Variants in STK38 observed in about 807,000 individuals in gnomAD.
The protein encoded by STK38 is serine/threonine kinase 38, also known as serine/threonine-protein kinase 38.
STK38 carries 26 observed loss-of-function variants against 59.0 expected under a neutral mutation model. The observed-to-expected ratio is 0.44, with a 90% CI of 0.32 to 0.61. The LOEUF (loss-of-function observed/expected upper bound fraction) is 0.61. STK38 is among the 20% of genes least tolerant of loss of function. STK38 has a pLI of 0.04. For synonymous variants in STK38, 175 were observed against 176.6 expected (o/e 0.99, Z 0.07); for missense variants, 433 against 566.0 (o/e 0.76, Z 2.38).
chr6:36,518,182 T>C (rs1396612878), intron 5 of STK38, among the ~76,000 whole-genome samples: 1 of 152,232 alleles, frequency 6.6e-6, no homozygotes, highest in African/African-American at 2.4e-5. Context: ...TAATCTTTTA[T>C]GATAAAAATA....
intron 7 of STK38, among the ~76,000 whole-genome samples, chr6:36,509,216 T>C (rs1253163434): frequency 1.3e-5 from 2 of 152,154 alleles, no homozygotes; most frequent in Non-Finnish European, 2.9e-5. Context: ...GAAGAGGAGC[T>C]TTACTGAGCG....
intron 2 of STK38, among the ~76,000 whole-genome samples, chr6:36,532,529 A>G (rs944683837): frequency 3.9e-5 from 6 of 152,000 alleles, no homozygotes; most frequent in Non-Finnish European, 8.8e-5. Context: ...TAATCCCAGC[A>G]CTTTGGGAGG....
chr6:36,530,196 G>A (rs1228346655), intron 2 of STK38, among the ~76,000 whole-genome samples: 1 of 151,606 alleles, frequency 6.6e-6, no homozygotes, highest in East Asian at 2.0e-4. Context: ...AGCTGAGATC[G>A]TGCCACTGCA....
At chr6:36,514,625 T>TG (rs1777203202) in intron 7 of STK38, among the ~76,000 whole-genome samples, 1 of 152,120 alleles carries the variant, frequency 6.6e-6, no homozygotes, top group African/African-American at 2.4e-5. Context: ...TAATTTGCTG[T>TG]AAGTTTAGGA....
At chr6:36,506,461 T>C (rs999645409) in intron 9 of STK38, 122 bp downstream of exon 9, 8 of 977,814 alleles carry the variant, frequency 8.2e-6, no homozygotes, top group African/African-American at 6.6e-5. Context: ...GCACTCTCTT[T>C]AGGTAATCTT....
chr6:36,498,736 C>G (rs1378720824), intron 10 of STK38, among the ~76,000 whole-genome samples: 1 of 151,818 alleles, frequency 6.6e-6, no homozygotes, highest in South Asian at 2.1e-4. Context: ...TACAGAAGAG[C>G]ACCACCACAC....
intron 1 of STK38, among the ~76,000 whole-genome samples, chr6:36,545,260 T>A (rs901852944): frequency 1.1e-4 from 14 of 128,524 alleles, no homozygotes; most frequent in African/African-American, 4.3e-4. Flanking sequence ...ACCACTGCAC[T>A]CTAGCCTGGG....
intron 9 of STK38, among the ~76,000 whole-genome samples, chr6:36,503,244 G>A (rs1210227345): frequency 6.6e-6 from 1 of 151,908 alleles, no homozygotes; most frequent in Non-Finnish European, 1.5e-5. Context: ...TTTCCTTAAA[G>A]TAATAAAATA....
chr6:36,516,637 C>T (rs981156887), intron 6 of STK38, among the ~76,000 whole-genome samples: 11 of 152,180 alleles, frequency 7.2e-5, no homozygotes, highest in Admixed American at 3.3e-4. Flanking sequence ...TCTGGAGACC[C>T]ACCAGACACA....
At chr6:36,536,369 G>C (rs1396439193) in intron 2 of STK38, among the ~76,000 whole-genome samples, 1 of 152,060 alleles carries the variant, frequency 6.6e-6, no homozygotes, top group East Asian at 1.9e-4. Flanking sequence ...CTTATGACTT[G>C]GGGATAAATA....
At chr6:36,528,795 G>A (rs1227456051) in intron 2 of STK38, among the ~76,000 whole-genome samples, 4 of 152,170 alleles carry the variant, frequency 2.6e-5, no homozygotes, top group Admixed American at 1.3e-4. Context: ...CTGACTACAC[G>A]TTTTTGAATG....
intron 4 of STK38, among the ~76,000 whole-genome samples, chr6:36,523,258 GTTTT>G (rs1264389755): frequency 6.8e-6 from 1 of 147,342 alleles, no homozygotes; most frequent in Admixed American, 6.8e-5. Context: ...GGGGTACCAG[GTTTT>G]TTGTTTTTTT....
intron 2 of STK38, among the ~76,000 whole-genome samples, chr6:36,526,215 T>G (rs1777508490): frequency 7.9e-6 from 1 of 126,746 alleles, no homozygotes; most frequent in Non-Finnish European, 1.6e-5. Flanking sequence ...CTCTTGGTTT[T>G]GGGTGTTTTT....
intron 2 of STK38, among the ~76,000 whole-genome samples, chr6:36,534,664 T>C (rs1027742588): frequency 1.3e-5 from 2 of 151,580 alleles, no homozygotes; most frequent in African/African-American, 4.8e-5. Flanking sequence ...AAAAAAACAA[T>C]AAAAAAATTT....
At chr6:36,509,734 T>G (rs1777059403) in intron 7 of STK38, among the ~76,000 whole-genome samples, 1 of 152,042 alleles carries the variant, frequency 6.6e-6, no homozygotes, top group Admixed American at 6.5e-5. Flanking sequence ...GCTACAACTC[T>G]TTCTGTAGGC....
At chr6:36,511,557 C>G (rs1405042853) in intron 7 of STK38, among the ~76,000 whole-genome samples, 1 of 151,610 alleles carries the variant, frequency 6.6e-6, no homozygotes, top group Non-Finnish European at 1.5e-5. Flanking sequence ...AGGGTTTTAC[C>G]ACCTTGGCCA....
Position 36,507,558 on chromosome 6 carries a change from T to A in STK38, c.714A>T (p.Lys238Asn). The change falls in exon 8 of 14, where the codon AAA (lysine) becomes AAT (asparagine). Residue 238 changes from lysine (K) to asparagine (N), a missense_variant. Coordinates refer to ENST00000229812, the MANE Select transcript of STK38 (RefSeq NM_007271.4). Reference protein sequence around the residue: ...LSDFGLCTGLKKAHRTEFYRN... With the variant: ...LSDFGLCTGLNKAHRTEFYRN... ...TATAAAATTCTGTCCTATGTGCTTTTTTCAGTCCTGTGCAAAGACCAAAGT... is the reference window on the plus strand; with the variant it reads ...TATAAAATTCTGTCCTATGTGCTTTATTCAGTCCTGTGCAAAGACCAAAGT... 1 of 1,614,176 alleles carries A rather than the reference T, an allele frequency of 6.2e-7. No individual in the cohort carries two copies. The highest frequency in any genetic ancestry group is 8.5e-7 in the Non-Finnish European group (1 of 1,180,024).
At chr6:36,516,041 A>C (rs1214071251) in intron 6 of STK38, among the ~76,000 whole-genome samples, 1 of 152,252 alleles carries the variant, frequency 6.6e-6, no homozygotes, top group African/African-American at 2.4e-5. Context: ...AGTCAACAAA[A>C]GCTAAAAATG....
In STK38 at chr6:36,499,440, G is replaced by A. The variant is rs115792038; in HGVS notation, c.952+433C>T. Among the ~76,000 whole-genome samples, 878 of 152,094 alleles carry A rather than the reference G, an allele frequency of 5.8e-3. 7 individuals carry two copies. Among genetic ancestry groups the A allele is most frequent in the African/African-American group, 0.02 (829 of 41,458 alleles). The stretch of plus-strand genomic sequence containing the variant: ...GGCATATGACCACCCCCACAGATGC[G>A]TCCCATAAATACAGAGACACACCAA... On this transcript the variant is annotated intron_variant, in intron 10 of 13. Coordinates refer to ENST00000229812, the MANE Select transcript of STK38 (RefSeq NM_007271.4).
Sources: gnomAD v4.1 joint callset for allele counts (sites outside exome capture counted in the v4.1 genomes callset) on GRCh38, gnomAD v4.1.1 for gene constraint, MANE v1.5 for transcripts, NCBI Gene and HGNC (gene_info 2026-07-23, HGNC 2026-07-21) for gene names.